The following PDE6B variants were observed in gnomAD, a reference collection of about 807,000 sequenced individuals.
The protein encoded by PDE6B is phosphodiesterase 6B.
In PDE6B, 106 loss-of-function variants were observed where a neutral mutation model predicts 109.0. That is an observed-to-expected ratio of 0.97 (90% CI 0.83 to 1.14). The LOEUF (loss-of-function observed/expected upper bound fraction) is 1.14, where lower values mean the gene tolerates loss of function less well. Among genes scored for constraint, PDE6B ranks in the 50% most tolerant of loss-of-function variants. The probability of loss-of-function intolerance (pLI) is 0.00; values close to 1 mark genes in which losing one functional copy is unlikely to be tolerated. For synonymous variants in PDE6B, 490 were observed against 471.3 expected, an observed-to-expected ratio of 1.04 and a Z score of -0.51; for missense variants, 1,193 against 1,155.6, an observed-to-expected ratio of 1.03 and a Z score of -0.47.
rs1560138701 is a variant in PDE6B at position 666,135 on chromosome 4, C to T, written c.2269-396C>T. Among the ~76,000 whole-genome samples, 1 of 152,170 alleles carries T rather than the reference C, an allele frequency of 6.6e-6. No homozygotes were observed. The highest frequency in any genetic ancestry group is 1.5e-5 in the Non-Finnish European group (1 of 68,016). On this transcript the variant is annotated intron_variant, in intron 19 of 21. Transcript: ENST00000496514. The surrounding 1 kb of genome is among the most constrained non-coding windows in gnomAD (Gnocchi z 5.6). ...CAGCTCCAGAGCACGTCTGTGTCTG[C>T]CCCAGGCGAGTGCACAGCGAGGTCC...
chr4:643,490 A>T (rs1045097613), intron 3 of PDE6B, among the ~76,000 whole-genome samples: 9 of 152,278 alleles, frequency 5.9e-5, no homozygotes, highest in African/African-American at 2.2e-4. Context: ...AATTGACATA[A>T]CATCTTTCCT....
chr4:654,819 C>G lies in PDE6B; in HGVS notation c.928-5C>G, dbSNP rs777755463. 1.3e-6 allele frequency: 2 copies of G among 1,511,904 alleles called. No individual in the cohort carries two copies. The highest frequency in any genetic ancestry group is 3.3e-5 in the Admixed American group (2 of 59,904). 93.7% of individuals were successfully genotyped at this position (1,511,904 alleles called of 1,614,324 possible). A position where few individuals can be genotyped will look rare whatever the true frequency, so the allele number is the denominator to read the frequency against. On this transcript the variant is annotated splice_polypyrimidine_tract_variant and splice_region_variant and intron_variant, in intron 5 of 21. Coordinates refer to ENST00000496514, the MANE Select transcript of PDE6B (RefSeq NM_000283.4). ...GCCCCCCGACCAGTGTCTTCTGCTT[C>G]TCAGGAAATTGTCTTCTACAAAGTG...
At chr4:639,782 G>A (rs78667721) in intron 3 of PDE6B, among the ~76,000 whole-genome samples, 16,755 of 151,970 alleles carry the variant, frequency 0.11, 972 homozygotes, top group East Asian at 0.2. Context: ...ACCAGCCTGG[G>A]CAACACGGTG....
At position 636,315 on chromosome 4, in the gene PDE6B, G is replaced by A. The variant is rs528820745; in HGVS notation, c.711+346G>A. ...GCAGAGGGGCTCCCTGGCAGGTCCA[G>A]CCCTGGTTGAGAGAGGGTGCAGGGG... On this transcript the variant is annotated intron_variant, in intron 3 of 21. Transcript: ENST00000496514. This position sits in a 1 kb window ranked among gnomAD's most constrained non-coding sequence, Gnocchi z 4.5. Among the ~76,000 whole-genome samples the A allele has an allele frequency of 1.3e-5, 2 of 152,344 alleles. No individual in the cohort carries two copies. Among genetic ancestry groups the A allele is most frequent in the South Asian group, 2.1e-4 (1 of 4,826 alleles).
At chr4:655,155 A>G (rs1736067058) in intron 6 of PDE6B, 1 of 544,352 alleles carries the variant, frequency 1.8e-6, no homozygotes, top group African/African-American at 1.9e-5. Flanking sequence ...GAGTGGACAT[A>G]CAGGGGACCA....
At chr4:654,352 C>T (rs777191229) in intron 5 of PDE6B, 198 bp downstream of exon 5, 3 of 689,048 alleles carry the variant, frequency 4.4e-6, no homozygotes, top group Admixed American at 2.0e-5. Context: ...CAGGGCTGGT[C>T]CCTGAATGAG....
chr4:635,774 G>A (rs970529307), intron 2 of PDE6B, 106 bp from the exon 3 acceptor site: 22 of 730,844 alleles, frequency 3.0e-5, no homozygotes, highest in Admixed American at 5.9e-5. Flanking sequence ...GCTTCCTGGC[G>A]TGTCTGGGCA....
chr4:654,890 TA>T lies in PDE6B; in HGVS notation c.992+4del. 1 of 1,502,702 alleles carries T rather than the reference TA, an allele frequency of 6.7e-7. No homozygotes were observed. Among genetic ancestry groups the T allele is most frequent in the Non-Finnish European group, 9.3e-7 (1 of 1,078,424 alleles). 93.1% of individuals were successfully genotyped at this position (1,502,702 alleles called of 1,614,324 possible). A position where few individuals can be genotyped will look rare whatever the true frequency, so the allele number is the denominator to read the frequency against. On this transcript the variant is annotated splice_donor_region_variant and intron_variant, in intron 6 of 21. Coordinates refer to ENST00000496514, the MANE Select transcript of PDE6B (RefSeq NM_000283.4). ...CAAGGAGGAGATCAAGGTCATTCCG[TA>T]AGTGCAGGATTTTACCAGAAGCGTC...
chr4:634,778 C>G lies in PDE6B; in HGVS notation c.570C>G (p.Ile190Met). 6.2e-7 allele frequency: 1 copy of G among 1,613,876 alleles called. No individual in the cohort carries two copies. Among genetic ancestry groups the G allele is most frequent in the Non-Finnish European group, 8.5e-7 (1 of 1,179,776 alleles). The change falls in exon 2 of 22, where the codon ATC becomes ATG. Residue 190 changes from isoleucine to methionine, a missense_variant. By Grantham distance (10) the Ile-to-Met change is conservative. Transcript: ENST00000496514. Reference sequence around the variant, plus strand: ...ATGGCAAAGACGTCGTGGCGGTGATCATGGCAGTGAACAAGCTCAACGGCC... The same window carrying G: ...ATGGCAAAGACGTCGTGGCGGTGATGATGGCAGTGAACAAGCTCAACGGCC... Reference protein sequence around the residue: ...IMNGKDVVAVIMAVNKLNGPF... With the variant: ...IMNGKDVVAVMMAVNKLNGPF...
At chr4:631,924 C>T (rs182708979) in intron 1 of PDE6B, among the ~76,000 whole-genome samples, 101 of 150,956 alleles carry the variant, frequency 6.7e-4, no homozygotes, top group African/African-American at 2.4e-3. Flanking sequence ...CATGTGTCAC[C>T]ATCTGAGGGT....
chr4:665,427 G>T lies in PDE6B; in HGVS notation c.2268+98G>T. 1.2e-6 allele frequency: 1 copy of T among 813,392 alleles called. No individual in the cohort carries two copies. 50.4% of individuals were successfully genotyped at this position (813,392 alleles called of 1,614,324 possible). On this transcript the variant is annotated intron_variant, in intron 19 of 21. Transcript: ENST00000496514. The surrounding 1 kb of genome is among the most constrained non-coding windows in gnomAD (Gnocchi z 4.0). ...AGGTCCTGGCTTGGTCTCAGGCAGGGGGTTCTGAGGTCGTGGGGTCCTTAT... is the reference window on the plus strand; with the variant it reads ...AGGTCCTGGCTTGGTCTCAGGCAGGTGGTTCTGAGGTCGTGGGGTCCTTAT...
At chr4:645,286 T>A (rs964704621) in intron 3 of PDE6B, among the ~76,000 whole-genome samples, 2 of 149,620 alleles carry the variant, frequency 1.3e-5, no homozygotes, top group Non-Finnish European at 3.0e-5. Context: ...TTTAGGCTAG[T>A]CACATTTTTT....
chr4:669,347 C>G (rs1269166969), intron 21 of PDE6B, among the ~76,000 whole-genome samples: 12 of 139,474 alleles, frequency 8.6e-5, no homozygotes, highest in South Asian at 6.6e-4. Flanking sequence ...ATTCCCCTAC[C>G]CCATGCTATT....
intron 21 of PDE6B, among the ~76,000 whole-genome samples, chr4:669,248 A>G (rs1459524144): frequency 2.1e-5 from 2 of 95,416 alleles, no homozygotes; most frequent in Admixed American, 2.2e-4. Context: ...TGCTGCTCCC[A>G]CTACCCCATG....
In PDE6B at chr4:653,906, C is replaced by CA. The variant is rs1291430421; in HGVS notation, c.767dup (p.Phe257ValfsTer32). On this transcript the variant is annotated frameshift_variant, in exon 4 of 22. Coordinates refer to ENST00000496514, the MANE Select transcript of PDE6B (RefSeq NM_000283.4). LOFTEE classifies it high-confidence loss of function. ...TGAGGAGCTGACGGACATCGAGAGGCAGTTCCACAAGGCCTTCTACACGGT... is the reference window on the plus strand; with the variant it reads ...TGAGGAGCTGACGGACATCGAGAGGCAAGTTCCACAAGGCCTTCTACACGGT... 1.2e-6 allele frequency: 2 copies of CA among 1,613,870 alleles called. No individual in the cohort carries two copies. The highest frequency in any genetic ancestry group is 2.7e-5 in the African/African-American group (2 of 75,050).
At chr4:655,354 G>A in intron 6 of PDE6B, 1 of 278,458 alleles carries the variant, frequency 3.6e-6, no homozygotes, top group Non-Finnish European at 7.0e-6. Flanking sequence ...CAAGGGAGGG[G>A]CAGCTGGTGG....
intron 3 of PDE6B, among the ~76,000 whole-genome samples, chr4:637,715 C>T (rs1161034618): frequency 6.6e-6 from 1 of 152,362 alleles, no homozygotes; most frequent in Non-Finnish European, 1.5e-5. Flanking sequence ...GAGAGGCAGC[C>T]GTGCTCTGCC....
At chr4:653,011 C>G in intron 3 of PDE6B, 1 of 188,150 alleles carries the variant, frequency 5.3e-6, no homozygotes, top group Non-Finnish European at 9.9e-6. Flanking sequence ...CACAATTATT[C>G]AACTGAAGAT....
At chr4:627,401 T>C (rs9991058) in intron 1 of PDE6B, among the ~76,000 whole-genome samples, 3,636 of 152,148 alleles carry the variant, frequency 0.024, 145 homozygotes, top group African/African-American at 0.084. Context: ...CTGCCTCAGA[T>C]TTCCAAAGTG....
Sources: allele counts gnomAD v4.1 joint callset (sites outside exome capture counted in the v4.1 genomes callset), GRCh38; gene constraint gnomAD v4.1.1; non-coding constraint Gnocchi (gnomAD v3.1); transcripts MANE v1.5; gene names NCBI Gene and HGNC (gene_info 2026-07-23, HGNC 2026-07-21).